Variants in CCDC141 observed in about 807,000 individuals in gnomAD.
CCDC141 encodes coiled-coil domain-containing protein 141.
CCDC141 carries 168 observed loss-of-function variants against 181.0 expected under a neutral mutation model. The observed-to-expected ratio is 0.93, with a 90% CI of 0.82 to 1.05. The LOEUF (loss-of-function observed/expected upper bound fraction) is 1.05. Ranked by LOEUF, CCDC141 falls within the 50% of genes least tolerant of loss-of-function variation. The pLI, the probability that CCDC141 is intolerant of heterozygous loss-of-function variation, is 0.00. For missense variants in CCDC141, 1,902 were observed against 1,788.5 expected, an observed-to-expected ratio of 1.06 and a Z score of -1.14; for synonymous variants, 666 against 642.3, an observed-to-expected ratio of 1.04 and a Z score of -0.56.
chr2:178,927,182 C>A (rs1279688671), intron 6 of CCDC141, among the ~76,000 whole-genome samples: 1 of 152,116 alleles, frequency 6.6e-6, no homozygotes, highest in African/African-American at 2.4e-5. Context: ...TTCAGCTCAC[C>A]ACTAAGTATA....
intron 11 of CCDC141, among the ~76,000 whole-genome samples, chr2:178,884,514 T>C (rs1034429935): frequency 1.3e-5 from 2 of 152,290 alleles, no homozygotes; most frequent in African/African-American, 4.8e-5. Flanking sequence ...AAATGTAGAT[T>C]TGCTGAGGCT....
intron 9 of CCDC141, 112 bp downstream of exon 9, chr2:178,888,415 A>G: frequency 1.1e-6 from 1 of 917,296 alleles, no homozygotes; most frequent in South Asian, 1.6e-5. Context: ...TGTGGTACAT[A>G]AGGGCAGCCT....
chr2:178,940,466 C>T (rs1296031257), intron 6 of CCDC141, among the ~76,000 whole-genome samples: 1 of 152,058 alleles, frequency 6.6e-6, no homozygotes, highest in African/African-American at 2.4e-5. Flanking sequence ...TGTCTAAAGA[C>T]ATATGTTGAG....
chr2:178,882,766 C>G (rs1391258422), intron 11 of CCDC141, among the ~76,000 whole-genome samples: 1 of 151,928 alleles, frequency 6.6e-6, no homozygotes, highest in Non-Finnish European at 1.5e-5. Context: ...TGATTTTCCA[C>G]TGGAGCGTCT....
chr2:178,982,673 G>A (rs923099143), intron 2 of CCDC141, among the ~76,000 whole-genome samples: 1 of 152,152 alleles, frequency 6.6e-6, no homozygotes, highest in African/African-American at 2.4e-5. Context: ...GGGTCAGGGA[G>A]TTCCCTTTCC....
At chr2:179,038,758 G>A (rs1307259337) in intron 2 of CCDC141, among the ~76,000 whole-genome samples, 7 of 152,132 alleles carry the variant, frequency 4.6e-5, no homozygotes, top group Non-Finnish European at 8.8e-5. Context: ...GTAAATTTAT[G>A]AGAGTCAAAT....
At chr2:178,941,660 G>C (rs1421245827) in intron 6 of CCDC141, among the ~76,000 whole-genome samples, 1 of 151,632 alleles carries the variant, frequency 6.6e-6, no homozygotes, top group East Asian at 1.9e-4. Context: ...TCCCCCTTTA[G>C]AAAATAAATT....
chr2:178,962,524 A>G (rs547610714), intron 4 of CCDC141, among the ~76,000 whole-genome samples: 5 of 152,120 alleles, frequency 3.3e-5, no homozygotes, highest in Admixed American at 6.5e-5. Flanking sequence ...TCTCCAATCC[A>G]TCTATCAATG....
chr2:178,858,613 A>G (rs1298202168), intron 17 of CCDC141, among the ~76,000 whole-genome samples: 3 of 152,192 alleles, frequency 2.0e-5, no homozygotes, highest in African/African-American at 7.2e-5. Context: ...TATACACTTA[A>G]AACAGTTAAG....
intron 2 of CCDC141, among the ~76,000 whole-genome samples, chr2:179,043,886 T>C (rs2043396007): frequency 6.6e-6 from 1 of 152,142 alleles, no homozygotes; most frequent in South Asian, 2.1e-4. Context: ...TGATCCTACA[T>C]CTAAGGACAT....
chr2:178,972,086 AC>A (rs1468741688), intron 4 of CCDC141, among the ~76,000 whole-genome samples: 1 of 152,036 alleles, frequency 6.6e-6, no homozygotes, highest in East Asian at 1.9e-4. Context: ...TTAAAAAAAA[AC>A]CTAAATAAAA....
At chr2:178,828,372 C>G (rs1439053073), downstream of CCDC141, among the ~76,000 whole-genome samples, 1 of 152,136 alleles carries the variant, frequency 6.6e-6, no homozygotes, top group Non-Finnish European at 1.5e-5. Flanking sequence ...ACATAGCATA[C>G]AAATCTTTCA....
At chr2:178,817,682 T>G in the CCDC141 span, 1 of 381,344 alleles carries the variant, frequency 2.6e-6, no homozygotes, top group African/African-American at 2.1e-5. Context: ...TGCTTCATAC[T>G]AAAAGGAAAA....
intron 6 of CCDC141, among the ~76,000 whole-genome samples, chr2:178,933,685 T>A (rs773515051): frequency 6.6e-6 from 1 of 152,182 alleles, no homozygotes; most frequent in Non-Finnish European, 1.5e-5. Context: ...TCCAAGGTAA[T>A]CTCCTAAAAT....
chr2:178,864,454 A>G (rs755559845), intron 17 of CCDC141, among the ~76,000 whole-genome samples: 2 of 152,194 alleles, frequency 1.3e-5, no homozygotes, highest in Admixed American at 1.3e-4. Context: ...AAATTACACT[A>G]CCGGTTCAAC....
intron 2 of CCDC141, among the ~76,000 whole-genome samples, chr2:179,027,112 G>T (rs779857993): frequency 9.9e-5 from 15 of 152,184 alleles, no homozygotes; most frequent in Non-Finnish European, 1.5e-4. Context: ...GACTTTGGGG[G>T]ACTGTTGGGA....
At chr2:178,888,975 A>C (rs1687019522) in intron 8 of CCDC141, among the ~76,000 whole-genome samples, 1 of 152,178 alleles carries the variant, frequency 6.6e-6, no homozygotes, top group Non-Finnish European at 1.5e-5. Flanking sequence ...AAGCCACAGT[A>C]TGTTTACCAC....
chr2:178,891,809 A>G (rs879296540), intron 8 of CCDC141, among the ~76,000 whole-genome samples: 4 of 151,850 alleles, frequency 2.6e-5, no homozygotes, highest in Admixed American at 2.6e-4. Flanking sequence ...GTTTTTCAGT[A>G]ACCTTGGAGA....
chr2:178,940,207 A>T (rs1689451308), intron 6 of CCDC141, among the ~76,000 whole-genome samples: 1 of 149,876 alleles, frequency 6.7e-6, no homozygotes, highest in Non-Finnish European at 1.5e-5. Flanking sequence ...CTATAAGATC[A>T]GAGATTAGGA....
Sources: gnomAD v4.1 joint callset for allele counts (sites outside exome capture counted in the v4.1 genomes callset) on GRCh38, gnomAD v4.1.1 for gene constraint, MANE v1.5 for transcripts, NCBI Gene and HGNC (gene_info 2026-07-23, HGNC 2026-07-21) for gene names.